GRB10: variants seen among roughly 807,000 people sequenced by gnomAD.
GRB10 encodes growth factor receptor bound protein 10, also known as growth factor receptor-bound protein 10.
In GRB10, 20 loss-of-function variants were observed where a neutral mutation model predicts 80.9. That is an observed-to-expected ratio of 0.25 (90% CI 0.17 to 0.36). The LOEUF (loss-of-function observed/expected upper bound fraction) is 0.36, where lower values mean the gene tolerates loss of function less well. GRB10 is among the 10% of genes least tolerant of loss of function. GRB10 has a pLI of 1.00. For missense variants in GRB10, 548 were observed against 747.7 expected (o/e 0.73, Z 3.12); for synonymous variants, 291 against 291.5 (o/e 1.00, Z 0.02).
intron 7 of GRB10, among the ~76,000 whole-genome samples, chr7:50,642,220 T>G (rs375616738): frequency 5.9e-5 from 9 of 152,050 alleles, no homozygotes; most frequent in African/African-American, 2.2e-4. Context: ...CAAAGGGCCA[T>G]GCACTCAGAA....
intron 7 of GRB10, among the ~76,000 whole-genome samples, chr7:50,655,677 C>T (rs956738071): frequency 6.6e-6 from 1 of 152,236 alleles, no homozygotes; most frequent in Non-Finnish European, 1.5e-5. Context: ...GCAGGCAAAG[C>T]AAAGTACAAA....
At chr7:50,737,403 T>C (rs925503726) in intron 3 of GRB10, among the ~76,000 whole-genome samples, 2 of 152,192 alleles carry the variant, frequency 1.3e-5, no homozygotes, top group Admixed American at 6.5e-5. Context: ...TGTGCTTCCT[T>C]CCCCTTCACC....
At chr7:50,741,410 C>A (rs973773630) in intron 3 of GRB10, among the ~76,000 whole-genome samples, 6 of 152,134 alleles carry the variant, frequency 3.9e-5, no homozygotes, top group Non-Finnish European at 7.3e-5. Flanking sequence ...AAACCTGTTA[C>A]ATGCTGCCTC....
chr7:50,703,775 G>T, intron 5 of GRB10, 46 bp downstream of exon 5: 1 of 1,379,464 alleles, frequency 7.2e-7, no homozygotes, highest in Non-Finnish European at 1.0e-6. Flanking sequence ...GGGCACTGCT[G>T]CAAAGCTAGA....
intron 4 of GRB10, among the ~76,000 whole-genome samples, chr7:50,725,447 C>A (rs1455970287): frequency 6.6e-6 from 1 of 152,136 alleles, no homozygotes; most frequent in African/African-American, 2.4e-5. Context: ...TCTTTATAAG[C>A]GGTGTGAGTG....
chr7:50,616,520 A>G (rs2050668754), intron 10 of GRB10, among the ~76,000 whole-genome samples, 173 bp from the exon 11 acceptor site: 2 of 152,234 alleles, frequency 1.3e-5, no homozygotes, highest in South Asian at 2.1e-4. Context: ...CGTGTTGCAT[A>G]GAACATAATT....
intron 3 of GRB10, among the ~76,000 whole-genome samples, chr7:50,754,825 T>G (rs1384741021): frequency 6.6e-6 from 1 of 152,068 alleles, no homozygotes; most frequent in African/African-American, 2.4e-5. Flanking sequence ...CCCCAGCACT[T>G]CAGAATGTGA....
intron 13 of GRB10, among the ~76,000 whole-genome samples, chr7:50,607,896 A>C: frequency 6.6e-6 from 1 of 152,216 alleles, no homozygotes; most frequent in Non-Finnish European, 1.5e-5. Context: ...CAGAAACAGG[A>C]AGTGAAGTCA....
chr7:50,746,370 T>C (rs896907682), intron 3 of GRB10, among the ~76,000 whole-genome samples: 1 of 152,200 alleles, frequency 6.6e-6, no homozygotes, highest in African/African-American at 2.4e-5. Context: ...TTGCCAGCAC[T>C]GAATGCATTT....
At chr7:50,657,036 T>C (rs17546034) in intron 7 of GRB10, among the ~76,000 whole-genome samples, 13,309 of 152,194 alleles carry the variant, frequency 0.087, 892 homozygotes, top group Non-Finnish European at 0.11. Context: ...AGTAGGTAAA[T>C]ATGGCACAAA....
intron 7 of GRB10, among the ~76,000 whole-genome samples, chr7:50,662,413 T>C (rs1021233023): frequency 1.3e-5 from 2 of 152,226 alleles, no homozygotes; most frequent in Admixed American, 1.3e-4. Context: ...CTCCACTGCC[T>C]GCACAAATCC....
chr7:50,784,747 A>G (rs888048123), upstream of GRB10, among the ~76,000 whole-genome samples: 3 of 152,238 alleles, frequency 2.0e-5, no homozygotes, highest in Non-Finnish European at 2.9e-5. Flanking sequence ...AGTGGTCAAG[A>G]AGTAACTGAC....
chr7:50,734,101 G>T, intron 3 of GRB10, among the ~76,000 whole-genome samples: 1 of 151,370 alleles, frequency 6.6e-6, no homozygotes, highest in Admixed American at 6.6e-5. Context: ...TACACATATC[G>T]GTTTGGGTTC....
chr7:50,791,615 G>A (rs1289153702), intron 1 of GRB10, among the ~76,000 whole-genome samples: 1 of 152,230 alleles, frequency 6.6e-6, no homozygotes, highest in Non-Finnish European at 1.5e-5. Flanking sequence ...AAAGTGCCTT[G>A]TAAACTGTGA....
intron 8 of GRB10, among the ~76,000 whole-genome samples, chr7:50,620,767 CA>C (rs2051568468): frequency 6.6e-6 from 1 of 152,146 alleles, no homozygotes; most frequent in Non-Finnish European, 1.5e-5. Flanking sequence ...CAAGAACATG[CA>C]ACAAAAACTG....
At chr7:50,759,070 G>A (rs2075430173) in intron 2 of GRB10, among the ~76,000 whole-genome samples, 1 of 151,836 alleles carries the variant, frequency 6.6e-6, no homozygotes, top group Admixed American at 6.6e-5. Flanking sequence ...GTGGGTGACT[G>A]TAGTCCCAGC....
At chr7:50,771,230 T>A (rs6945597) in intron 2 of GRB10, among the ~76,000 whole-genome samples, 94,146 of 152,030 alleles carry the variant, frequency 0.62, 31,969 homozygotes, top group Middle Eastern at 0.87. Flanking sequence ...AACCATGTGC[T>A]ACTCAGCCTG....
At chr7:50,636,462 C>G (rs113663313) in intron 7 of GRB10, among the ~76,000 whole-genome samples, 1 of 152,090 alleles carries the variant, frequency 6.6e-6, no homozygotes, top group Admixed American at 6.5e-5. Flanking sequence ...CTTATAAAAA[C>G]ATAGATGCAA....
chr7:50,609,772 C>T (rs1430221136), intron 13 of GRB10, among the ~76,000 whole-genome samples: 1 of 152,184 alleles, frequency 6.6e-6, no homozygotes, highest in East Asian at 1.9e-4. Flanking sequence ...ATACTATTCA[C>T]ACAGCTCCTA....
Sources: gnomAD v4.1 joint callset for allele counts (sites outside exome capture counted in the v4.1 genomes callset) on GRCh38, gnomAD v4.1.1 for gene constraint, MANE v1.5 for transcripts, NCBI Gene and HGNC (gene_info 2026-07-23, HGNC 2026-07-21) for gene names.